ZNF254: variants seen among roughly 807,000 people sequenced by gnomAD.
ZNF254 encodes the protein CTD-2017D11.1.
A neutral mutation model predicts 12.4 loss-of-function variants in ZNF254; 10 were observed. The ratio of observed to expected loss-of-function variants is 0.80; its 90% confidence interval spans 0.50 to 1.36. The LOEUF is 1.36. Ranked by LOEUF, ZNF254 falls within the 40% of genes most tolerant of loss-of-function variation. ZNF254 has a pLI of 0.00. For synonymous variants in ZNF254, 305 were observed against 253.4 expected, an observed-to-expected ratio of 1.20 and a Z score of -1.93; for missense variants, 996 against 763.9, an observed-to-expected ratio of 1.30 and a Z score of -3.58.
chr19:24,058,413 C>CTT (rs574813499), intron 2 of ZNF254, among the ~76,000 whole-genome samples: 5 of 123,894 alleles, frequency 4.0e-5, no homozygotes, highest in Non-Finnish European at 5.3e-5. Flanking sequence ...TTCTTTCTTT[C>CTT]TTTTTTTTTT....
intron 1 of ZNF254, chr19:24,098,339 C>G (rs1972791546): frequency 1.3e-5 from 2 of 152,078 alleles, no homozygotes; most frequent in African/African-American, 2.4e-5. Flanking sequence ...TGTGGCCATC[C>G]CAAAACTGTA....
At chr19:24,120,494 C>T (rs1232411236) in intron 3 of ZNF254, among the ~76,000 whole-genome samples, 1 of 152,030 alleles carries the variant, frequency 6.6e-6, no homozygotes, top group Non-Finnish European at 1.5e-5. Flanking sequence ...AAATATTCTA[C>T]AGAAGAGCTT....
At chr19:24,070,857 C>A (rs1253953343) in intron 2 of ZNF254, among the ~76,000 whole-genome samples, 2 of 152,124 alleles carry the variant, frequency 1.3e-5, no homozygotes, top group African/African-American at 4.8e-5. Flanking sequence ...ATCACTGGTC[C>A]CTGCACCCAG....
chr19:24,101,161 T>A (rs1266772057), intron 1 of ZNF254, among the ~76,000 whole-genome samples: 1 of 152,168 alleles, frequency 6.6e-6, no homozygotes, highest in Non-Finnish European at 1.5e-5. Context: ...AGCCTTTTTT[T>A]AGGTAAAATA....
At chr19:24,046,931 C>G (rs1200334058) in intron 2 of ZNF254, among the ~76,000 whole-genome samples, 1 of 148,600 alleles carries the variant, frequency 6.7e-6, no homozygotes, top group Non-Finnish European at 1.5e-5. Flanking sequence ...ATGGTGCAAT[C>G]TTGGCTCACT....
chr19:24,094,770 T>C (rs1278585488), intron 1 of ZNF254, among the ~76,000 whole-genome samples: 1 of 152,080 alleles, frequency 6.6e-6, no homozygotes, highest in East Asian at 1.9e-4. Context: ...CTCTGCAGCC[T>C]CCACCTTCTG....
intron 1 of ZNF254, among the ~76,000 whole-genome samples, chr19:24,045,405 C>A (rs970332458): frequency 1.3e-5 from 2 of 151,978 alleles, no homozygotes; most frequent in Non-Finnish European, 2.9e-5. Context: ...CGTGGTGGCT[C>A]ACATCTGTAA....
At chr19:24,100,336 A>G (rs1463822614) in intron 1 of ZNF254, among the ~76,000 whole-genome samples, 1 of 150,576 alleles carries the variant, frequency 6.6e-6, no homozygotes, top group Non-Finnish European at 1.5e-5. Context: ...TACTCCACCC[A>G]TCCGGGACCT....
chr19:24,088,956 C>G (rs1972195396), intron 1 of ZNF254, among the ~76,000 whole-genome samples: 1 of 147,342 alleles, frequency 6.8e-6, no homozygotes, highest in African/African-American at 2.5e-5. Context: ...CTCGCCTGGC[C>G]AATTAATCTT....
At chr19:24,080,775 C>T (rs1971817958) in intron 2 of ZNF254, 1 of 117,004 alleles carries the variant, frequency 8.5e-6, no homozygotes, top group Non-Finnish European at 1.7e-5. Context: ...GAGACTCCGT[C>T]TCAAAAAAAA....
At chr19:24,090,320 G>A (rs1015306078) in intron 1 of ZNF254, among the ~76,000 whole-genome samples, 21 of 152,160 alleles carry the variant, frequency 1.4e-4, no homozygotes, top group Admixed American at 1.0e-3. Flanking sequence ...GGGTTATTGA[G>A]CACTTTAGTG....
chr19:24,084,182 A>C (rs1055574963), upstream of ZNF254, among the ~76,000 whole-genome samples: 1 of 147,970 alleles, frequency 6.8e-6, no homozygotes, highest in Non-Finnish European at 1.5e-5. Context: ...TATATAATAT[A>C]TTTATAATAA....
chr19:24,035,454 C>T (rs1969930598), intron 1 of ZNF254, among the ~76,000 whole-genome samples: 1 of 152,202 alleles, frequency 6.6e-6, no homozygotes, highest in Admixed American at 6.5e-5. Flanking sequence ...TGAGCCACCA[C>T]ACCCGGCCAA....
At chr19:24,106,466 A>T in intron 2 of ZNF254, 82 bp from the exon 3 acceptor site, 2 of 1,115,068 alleles carry the variant, frequency 1.8e-6, no homozygotes, top group Non-Finnish European at 2.6e-6. Flanking sequence ...ATATTCTATT[A>T]TATCCTCCTT....
chr19:24,106,396 A>G, intron 2 of ZNF254, 152 bp from the exon 3 acceptor site: 1 of 609,112 alleles, frequency 1.6e-6, no homozygotes, highest in South Asian at 2.6e-5. Context: ...AAATTAAAAT[A>G]TTTCCTAAAT....
At chr19:24,040,500 C>T (rs1970115680) in intron 1 of ZNF254, among the ~76,000 whole-genome samples, 1 of 152,182 alleles carries the variant, frequency 6.6e-6, no homozygotes, top group Non-Finnish European at 1.5e-5. Context: ...CTTATCCCTT[C>T]CTTTCTATAT....
chr19:24,034,567 G>C (rs1336676490), intron 1 of ZNF254, among the ~76,000 whole-genome samples: 1 of 138,020 alleles, frequency 7.2e-6, no homozygotes, highest in Non-Finnish European at 1.5e-5. Flanking sequence ...GCACGATCTC[G>C]GCACACTGCA....
intron 2 of ZNF254, among the ~76,000 whole-genome samples, chr19:24,062,087 C>CAAAAAAA (rs72097158): frequency 7.8e-5 from 9 of 115,014 alleles, no homozygotes; most frequent in East Asian, 2.6e-4. Flanking sequence ...CTCTGTCTCA[C>CAAAAAAA]AAAAAAAAAA....
chr19:24,042,140 G>T (rs1275667122), intron 1 of ZNF254, among the ~76,000 whole-genome samples: 1 of 141,714 alleles, frequency 7.1e-6, no homozygotes, highest in Non-Finnish European at 1.6e-5. Context: ...TTTAGCTCAA[G>T]GTTTGTGAAT....
Sources: gnomAD v4.1 joint callset for allele counts (sites outside exome capture counted in the v4.1 genomes callset) on GRCh38, gnomAD v4.1.1 for gene constraint, MANE v1.5 for transcripts, NCBI Gene and HGNC (gene_info 2026-07-23, HGNC 2026-07-21) for gene names.